Variants in ST6GALNAC5 observed in about 807,000 individuals in gnomAD.
ST6GALNAC5 encodes ST6 N-acetylgalactosaminide alpha-2,6-sialyltransferase 5, also known as alpha-N-acetylgalactosaminide alpha-2,6-sialyltransferase 5.
In ST6GALNAC5, 27 loss-of-function variants were observed where a neutral mutation model predicts 33.6. The observed-to-expected ratio is 0.80, with a 90% confidence interval of 0.59 to 1.11. ST6GALNAC5 has a LOEUF of 1.11. Ranked by LOEUF, ST6GALNAC5 falls within the 50% of genes least tolerant of loss-of-function variation. The pLI is 0.00. For missense variants in ST6GALNAC5, 428 were observed against 454.0 expected, an observed-to-expected ratio of 0.94 and a Z score of 0.52; for synonymous variants, 194 against 171.2, an observed-to-expected ratio of 1.13 and a Z score of -1.04.
intron 2 of ST6GALNAC5, among the ~76,000 whole-genome samples, chr1:76,981,053 T>C (rs1223355383): frequency 1.3e-5 from 2 of 152,036 alleles, no homozygotes; most frequent in African/African-American, 4.8e-5. Context: ...ACAGCTTCGG[T>C]CTGCATCTCC....
chr1:77,004,795 A>C (rs1349494302), intron 2 of ST6GALNAC5, among the ~76,000 whole-genome samples: 1 of 129,176 alleles, frequency 7.7e-6, no homozygotes, highest in Admixed American at 7.7e-5. Flanking sequence ...CCTCCCAGTT[A>C]GGCTGCTCGG....
At chr1:76,906,628 C>A (rs978500495) in intron 2 of ST6GALNAC5, among the ~76,000 whole-genome samples, 17 of 152,070 alleles carry the variant, frequency 1.1e-4, no homozygotes, top group Admixed American at 5.2e-4. Flanking sequence ...AAAGATACTT[C>A]TGATTGATAA....
intron 2 of ST6GALNAC5, among the ~76,000 whole-genome samples, chr1:76,968,353 T>C (rs1038143336): frequency 1.3e-5 from 2 of 152,204 alleles, no homozygotes; most frequent in African/African-American, 4.8e-5. Context: ...TCTTTGTCTC[T>C]TTTGATCTTT....
intron 2 of ST6GALNAC5, among the ~76,000 whole-genome samples, chr1:76,973,873 C>T (rs536394746): frequency 1.6e-4 from 24 of 149,838 alleles, no homozygotes; most frequent in Middle Eastern, 6.8e-3. Flanking sequence ...GTTTCATGTG[C>T]ATTTAGATAT....
chr1:77,060,631 A>G (rs1652544674), intron 4 of ST6GALNAC5, among the ~76,000 whole-genome samples: 1 of 152,134 alleles, frequency 6.6e-6, no homozygotes, highest in East Asian at 1.9e-4. Context: ...CACCTCTGAA[A>G]TCACAGTAAC....
At chr1:77,054,222 ACT>A (rs1045852611) in intron 4 of ST6GALNAC5, among the ~76,000 whole-genome samples, 2 of 151,980 alleles carry the variant, frequency 1.3e-5, no homozygotes, top group African/African-American at 4.8e-5. Flanking sequence ...GAAGATGTTC[ACT>A]CTCTGCCTGT....
intron 4 of ST6GALNAC5, among the ~76,000 whole-genome samples, chr1:77,057,435 A>G (rs1458265514): frequency 3.3e-5 from 5 of 152,238 alleles, no homozygotes; most frequent in Non-Finnish European, 7.3e-5. Flanking sequence ...AGCCAAAGAA[A>G]CAGGGAGACC....
intron 2 of ST6GALNAC5, among the ~76,000 whole-genome samples, chr1:76,967,753 A>G (rs781473483): frequency 6.6e-6 from 1 of 152,182 alleles, no homozygotes; most frequent in Non-Finnish European, 1.5e-5. Flanking sequence ...ACTGCTTTAA[A>G]TGTGTCCCAG....
intron 2 of ST6GALNAC5, among the ~76,000 whole-genome samples, chr1:76,973,921 TA>T (rs1648873840): frequency 6.7e-6 from 1 of 149,340 alleles, no homozygotes; most frequent in East Asian, 2.0e-4. Context: ...TTATTAGCCT[TA>T]TTATGAAACA....
rs769180285 is a variant in ST6GALNAC5 at position 77,050,411 on chromosome 1, G to C, written c.779+46G>C. On this transcript the variant is annotated intron_variant, in intron 4 of 4. Transcript: ENST00000477717. ...GTAAATCATCAGCCGTGTTGTGCAG[G>C]ATTTATAAATATCTGATTCTGAATA... is the stretch of plus-strand genomic sequence containing the variant. 5 of 1,555,954 alleles carry C rather than the reference G, an allele frequency of 3.2e-6. No homozygotes were observed. In the South Asian group the frequency reaches 5.6e-5, roughly 17 times the overall value.
At chr1:76,964,426 G>T (rs1648371808) in intron 2 of ST6GALNAC5, among the ~76,000 whole-genome samples, 1 of 151,982 alleles carries the variant, frequency 6.6e-6, no homozygotes, top group African/African-American at 2.4e-5. Flanking sequence ...AATTCTAAAT[G>T]GCCCCTTTTC....
chr1:76,973,181 A>G (rs182073206), intron 2 of ST6GALNAC5, among the ~76,000 whole-genome samples: 4 of 152,114 alleles, frequency 2.6e-5, no homozygotes, highest in East Asian at 3.9e-4. Flanking sequence ...AGAATTTTTC[A>G]TAATTCCTAC....
chr1:76,942,246 C>G (rs1647360523), intron 2 of ST6GALNAC5, among the ~76,000 whole-genome samples: 1 of 152,078 alleles, frequency 6.6e-6, no homozygotes, highest in Admixed American at 6.6e-5. Flanking sequence ...ACTTCAGAAC[C>G]AGCCATTTTG....
intron 2 of ST6GALNAC5, among the ~76,000 whole-genome samples, chr1:76,960,779 G>A (rs182004591): frequency 0.015 from 2,354 of 152,236 alleles, 42 homozygotes; most frequent in African/African-American, 0.048. Flanking sequence ...TGTTCCGCCC[G>A]GCTCACCAGC....
chr1:76,949,128 C>T (rs1647642225), intron 2 of ST6GALNAC5, among the ~76,000 whole-genome samples: 1 of 152,172 alleles, frequency 6.6e-6, no homozygotes, highest in Admixed American at 6.5e-5. Context: ...ACACATCACA[C>T]ACAAAAATGC....
chr1:76,923,891 C>A (rs993759293), intron 2 of ST6GALNAC5, among the ~76,000 whole-genome samples: 2 of 152,052 alleles, frequency 1.3e-5, no homozygotes, highest in African/African-American at 4.8e-5. Context: ...CTATCAGCTC[C>A]AACACCTTAA....
chr1:76,941,747 CG>C lies in ST6GALNAC5; in HGVS notation c.261+73007del. On this transcript the variant is annotated intron_variant, in intron 2 of 4. Coordinates refer to ENST00000477717, the MANE Select transcript of ST6GALNAC5 (RefSeq NM_030965.3). ...CACCTGAAGCTGGAAGAGGAGCCTT[CG>C]GAAGGAGCCTTTGGATGGAGCAAGG... Among the ~76,000 whole-genome samples, 3 of 152,152 alleles carry C rather than the reference CG, an allele frequency of 2.0e-5. No individual in the cohort carries two copies. In the Middle Eastern group the frequency reaches 0.01, roughly 518 times the overall value.
intron 2 of ST6GALNAC5, among the ~76,000 whole-genome samples, chr1:76,872,498 A>C (rs1653533742): frequency 6.6e-6 from 1 of 152,160 alleles, no homozygotes; most frequent in Admixed American, 6.5e-5. Flanking sequence ...TATTCAGACA[A>C]ATCAAAATTG....
intron 2 of ST6GALNAC5, among the ~76,000 whole-genome samples, chr1:77,001,978 T>G (rs1441568575): frequency 6.6e-6 from 1 of 152,208 alleles, no homozygotes; most frequent in Non-Finnish European, 1.5e-5. Flanking sequence ...CTGCCCGGCT[T>G]TGCTATCAGG....
Sources: gnomAD v4.1 joint callset for allele counts (sites outside exome capture counted in the v4.1 genomes callset) on GRCh38, gnomAD v4.1.1 for gene constraint, MANE v1.5 for transcripts, NCBI Gene and HGNC (gene_info 2026-07-23, HGNC 2026-07-21) for gene names.